The following LRP11 variants were observed in gnomAD, a reference collection of about 807,000 sequenced individuals.
LRP11 encodes the protein LDL receptor related protein 11.
In LRP11, 25 loss-of-function variants were observed where a neutral mutation model predicts 43.1. The observed-to-expected ratio is 0.58, with a 90% CI of 0.42 to 0.81. The LOEUF (loss-of-function observed/expected upper bound fraction) is 0.81. LRP11 is among the 30% of genes least tolerant of loss of function. The probability of loss-of-function intolerance (pLI) is 0.00; values close to 1 mark genes in which losing one functional copy is unlikely to be tolerated. For synonymous variants in LRP11, 316 were observed against 299.4 expected, an observed-to-expected ratio of 1.06 and a Z score of -0.57; for missense variants, 623 against 665.1, an observed-to-expected ratio of 0.94 and a Z score of 0.70.
At chr6:149,846,347 T>C (rs1330784778) in intron 2 of LRP11, among the ~76,000 whole-genome samples, 1 of 152,160 alleles carries the variant, frequency 6.6e-6, no homozygotes, top group Non-Finnish European at 1.5e-5. Context: ...GGAGCATGGC[T>C]GCAAATGACA....
intron 6 of LRP11, among the ~76,000 whole-genome samples, chr6:149,824,520 G>T (rs1052628867): frequency 2.0e-5 from 3 of 152,170 alleles, no homozygotes; most frequent in Admixed American, 2.0e-4. Context: ...ACCAGCTAGG[G>T]TGATGAATTA....
chr6:149,826,735 T>C (rs897307976), intron 5 of LRP11, among the ~76,000 whole-genome samples: 1 of 152,140 alleles, frequency 6.6e-6, no homozygotes, highest in African/African-American at 2.4e-5. Flanking sequence ...TGGGCATATA[T>C]AAGGCATTTA....
At position 149,854,188 on chromosome 6, in the gene LRP11, C is replaced by A. The variant is rs148034952; in HGVS notation, c.614-1028G>T. 9.3e-3 allele frequency among the ~76,000 whole-genome samples: 1,413 copies of A among 152,302 alleles called. 29 individuals carry two copies. Among genetic ancestry groups the A allele is most frequent in the African/African-American group, 0.033 (1,364 of 41,554 alleles). On this transcript the variant is annotated intron_variant, in intron 1 of 6. Transcript: ENST00000239367. ...CACCCAGGCTGGTGCACGATCATAG[C>A]TCACTCACTGTAGCCTCCAACTCCT... is the stretch of plus-strand genomic sequence containing the variant.
At chr6:149,845,338 A>T (rs1776616287) in intron 2 of LRP11, among the ~76,000 whole-genome samples, 1 of 152,218 alleles carries the variant, frequency 6.6e-6, no homozygotes, top group Non-Finnish European at 1.5e-5. Context: ...ATCCCCGTGA[A>T]GTGATTTTCA....
intron 3 of LRP11, among the ~76,000 whole-genome samples, chr6:149,839,061 G>GTTTTTTTTTTTTTTT (rs869148170): frequency 7.3e-6 from 1 of 136,998 alleles, no homozygotes; most frequent in African/African-American, 2.7e-5. Context: ...GTTTTTTTTT[G>GTTTTTTTTTTTTTTT]TTTTTTTTTT....
chr6:149,847,585 A>G (rs1776656506), intron 2 of LRP11, among the ~76,000 whole-genome samples: 2 of 152,160 alleles, frequency 1.3e-5, no homozygotes, highest in South Asian at 2.1e-4. Context: ...ATAAAAAACT[A>G]TCTATATATG....
intron 6 of LRP11, among the ~76,000 whole-genome samples, chr6:149,822,501 T>TAA (rs35135120): frequency 0.021 from 3,057 of 143,546 alleles, 113 homozygotes; most frequent in African/African-American, 0.073. Flanking sequence ...GATCCTGTCT[T>TAA]AAAAAAAAAA....
intron 6 of LRP11, among the ~76,000 whole-genome samples, chr6:149,821,569 T>A (rs894270063): frequency 6.6e-6 from 1 of 152,230 alleles, no homozygotes; most frequent in African/African-American, 2.4e-5. Flanking sequence ...AACATTTCTT[T>A]AGTTTTTCCT....
In LRP11 at chr6:149,863,871, C is replaced by G; in HGVS notation, c.150G>C (p.Ala50=). The G allele has an allele frequency of 6.7e-7, 1 of 1,503,606 alleles. No individual in the cohort carries two copies. The highest frequency in any genetic ancestry group is 8.8e-7 in the Non-Finnish European group (1 of 1,135,086). 93.1% of individuals were successfully genotyped at this position (1,503,606 alleles called of 1,614,324 possible). A position where few individuals can be genotyped will look rare whatever the true frequency, so the allele number is the denominator to read the frequency against. Residue 50 remains alanine, a synonymous_variant, in exon 1 of 7, where the codon GCG becomes GCC. Transcript: ENST00000239367. ...PPAAPLSELH[A]QLSGVEQLLE... is the part of the protein sequence containing the mutation. ...GCAGCTGCTCCACGCCCGACAGCTG[C>G]GCGTGCAGTTCGGACAGCGGCGCCG... is the stretch of plus-strand genomic sequence containing the variant.
chr6:149,850,750 C>T (rs564742563), intron 2 of LRP11, among the ~76,000 whole-genome samples: 61 of 152,338 alleles, frequency 4.0e-4, no homozygotes, highest in Middle Eastern at 3.4e-3. Flanking sequence ...GGACAAGAAT[C>T]ATTTGGTTAC....
At chr6:149,856,774 G>A (rs927059340) in intron 1 of LRP11, among the ~76,000 whole-genome samples, 3 of 152,112 alleles carry the variant, frequency 2.0e-5, no homozygotes, top group African/African-American at 4.8e-5. Flanking sequence ...TTCACAACAC[G>A]CTACTGTGCA....
At chr6:149,832,800 T>G (rs76049343) in intron 5 of LRP11, among the ~76,000 whole-genome samples, 4,481 of 151,286 alleles carry the variant, frequency 0.03, 233 homozygotes, top group African/African-American at 0.1. Flanking sequence ...TTTTGTATTT[T>G]TATTTTTATT....
chr6:149,858,320 A>G (rs1447689443), intron 1 of LRP11, among the ~76,000 whole-genome samples: 3 of 152,176 alleles, frequency 2.0e-5, no homozygotes, highest in Admixed American at 1.3e-4. Flanking sequence ...TCCTTGTGAT[A>G]GTTTGCTGAG....
chr6:149,824,677 T>C lies in LRP11; in HGVS notation c.1348+1587A>G, dbSNP rs545587022. On this transcript the variant is annotated intron_variant, in intron 6 of 6. Transcript: ENST00000239367. Reference sequence around the variant, plus strand: ...AGTTTTGAGACCAGCCTGGCCAACATGGCAAAACCCCATCTCTGCTAAAAA... The same window carrying C: ...AGTTTTGAGACCAGCCTGGCCAACACGGCAAAACCCCATCTCTGCTAAAAA... 2.6e-5 allele frequency among the ~76,000 whole-genome samples: 4 copies of C among 152,278 alleles called. No homozygotes were observed. In the South Asian group the frequency reaches 8.3e-4, roughly 32 times the overall value.
chr6:149,832,951 G>C (rs1025339905), intron 5 of LRP11, among the ~76,000 whole-genome samples: 3 of 152,182 alleles, frequency 2.0e-5, no homozygotes, highest in African/African-American at 7.2e-5. Context: ...TGGGACCACA[G>C]GTGCCCGCCA....
rs1234259164 is a variant in LRP11 at position 149,863,398 on chromosome 6, G to A, written c.613+10C>T. 3 of 1,339,834 alleles carry A rather than the reference G, an allele frequency of 2.2e-6. No individual in the cohort carries two copies. Among genetic ancestry groups the A allele is most frequent in the Admixed American group, 6.4e-5 (2 of 31,394 alleles). 83.0% of individuals were successfully genotyped at this position (1,339,834 alleles called of 1,614,324 possible). ...TCTGGCCAAGGCCGGCCCCTCAGTC[G>A]CGCGCTTACCCTGCCGGGGCGAGGC... On this transcript the variant is annotated intron_variant, in intron 1 of 6. Transcript: ENST00000239367.
chr6:149,839,740 C>T (rs990092516), intron 3 of LRP11, among the ~76,000 whole-genome samples: 10 of 152,166 alleles, frequency 6.6e-5, no homozygotes, highest in Non-Finnish European at 1.5e-4. Flanking sequence ...CTGCAGCCTC[C>T]AGCTCCCAGG....
chr6:149,842,455 T>A (rs1776562260), intron 3 of LRP11: 1 of 604,624 alleles, frequency 1.7e-6, no homozygotes. Context: ...CAATACATTA[T>A]CATTAACTAT....
At chr6:149,862,741 G>A (rs370912965) in intron 1 of LRP11, among the ~76,000 whole-genome samples, 1 of 151,860 alleles carries the variant, frequency 6.6e-6, no homozygotes, top group Non-Finnish European at 1.5e-5. Flanking sequence ...CACCAGCTCT[G>A]GCTAATTTTT....
Sources: allele counts gnomAD v4.1 joint callset (sites outside exome capture counted in the v4.1 genomes callset), GRCh38; gene constraint gnomAD v4.1.1; transcripts MANE v1.5; gene names NCBI Gene and HGNC (gene_info 2026-07-23, HGNC 2026-07-21).